Variants in GATAD2B observed in about 807,000 individuals in gnomAD.
GATAD2B encodes GATA zinc finger domain containing 2B.
A neutral mutation model predicts 64.3 loss-of-function variants in GATAD2B; 8 were observed. The observed-to-expected ratio is 0.12, with a 90% CI of 0.07 to 0.22. The LOEUF (loss-of-function observed/expected upper bound fraction) is 0.22. Ranked by LOEUF, GATAD2B falls within the 10% of genes least tolerant of loss-of-function variation. The probability of loss-of-function intolerance (pLI) is 1.00; values close to 1 mark genes in which losing one functional copy is unlikely to be tolerated. For missense variants in GATAD2B, 453 were observed against 752.0 expected (o/e 0.60, Z 4.65); for synonymous variants, 281 against 271.3 (o/e 1.04, Z -0.35).
At position 153,824,472 on chromosome 1, in the gene GATAD2B, C is replaced by G. The variant is rs536903521; in HGVS notation, c.335+3541G>C. The stretch of plus-strand genomic sequence containing the variant: ...CGAAACCCCATCTCTACTAAAAATA[C>G]AAAAATTAGCCAGCATGTAGTCCCA... On this transcript the variant is annotated intron_variant, in intron 2 of 10. Coordinates refer to ENST00000368655, the MANE Select transcript of GATAD2B (RefSeq NM_020699.4). 7.2e-5 allele frequency among the ~76,000 whole-genome samples: 11 copies of G among 151,776 alleles called. No individual in the cohort carries two copies. In the East Asian group the frequency reaches 1.9e-3, roughly 27 times the overall value.
At chr1:153,911,098 T>C (rs890554616) in intron 1 of GATAD2B, among the ~76,000 whole-genome samples, 5 of 152,278 alleles carry the variant, frequency 3.3e-5, no homozygotes, top group Non-Finnish European at 4.4e-5. Context: ...ACACAGATGT[T>C]CCAGGGAATA....
chr1:153,917,814 G>T (rs1678317982), intron 1 of GATAD2B, among the ~76,000 whole-genome samples: 1 of 152,074 alleles, frequency 6.6e-6, no homozygotes, highest in South Asian at 2.1e-4. Context: ...GGCAATAAAT[G>T]TAACAAATAA....
rs1675930118 is a variant in GATAD2B at position 153,852,379 on chromosome 1, T to C, written c.-1-24031A>G. 30 of 830,216 alleles carry C rather than the reference T, an allele frequency of 3.6e-5. No homozygotes were observed. The South Asian group carries it at 3.9e-4, about 11-fold the overall frequency. The allele number at this position is 830,216 out of a possible 1,614,324, so 51.4% of individuals were successfully genotyped here. A position where few individuals can be genotyped will look rare whatever the true frequency, so the allele number is the denominator to read the frequency against. On this transcript the variant is annotated intron_variant, in intron 1 of 10. Coordinates refer to ENST00000368655, the MANE Select transcript of GATAD2B (RefSeq NM_020699.4). ...GTCGCCTGCCATCACCCTCATATGC[T>C]TGGCCTGACCTTGGATGTTCTGTGG...
chr1:153,830,073 G>A (rs1557790382), intron 1 of GATAD2B, among the ~76,000 whole-genome samples: 1 of 152,182 alleles, frequency 6.6e-6, no homozygotes, highest in Non-Finnish European at 1.5e-5. Flanking sequence ...TCCAGCCTGG[G>A]TGACAGAGTG....
At chr1:153,905,040 CACTATATG>C (rs1677884783) in intron 1 of GATAD2B, among the ~76,000 whole-genome samples, 1 of 151,540 alleles carries the variant, frequency 6.6e-6, no homozygotes, top group Admixed American at 6.6e-5. Context: ...GACGGGGTTT[CACTATATG>C]TTGGCCAGGC....
In GATAD2B at chr1:153,828,347, T is replaced by TC; in HGVS notation, c.-1dup. On this transcript the variant is annotated splice_region_variant and 5_prime_UTR_variant, in exon 2 of 11. Coordinates refer to ENST00000368655, the MANE Select transcript of GATAD2B (RefSeq NM_020699.4). ...AGAGCATCTTCTGTCATTCTATCCA[T>TC]CCTATGGAAAGAAAAATACAAGTAA... The TC allele has an allele frequency of 1.2e-6, 2 of 1,604,314 alleles. No homozygotes were observed. The highest frequency in any genetic ancestry group is 1.7e-6 in the Non-Finnish European group (2 of 1,177,998).
At chr1:153,862,154 GCT>G (rs1676321512) in intron 1 of GATAD2B, among the ~76,000 whole-genome samples, 1 of 97,552 alleles carries the variant, frequency 1.0e-5, no homozygotes, top group Admixed American at 1.6e-4. Flanking sequence ...ACTGAGTCTT[GCT>G]CTGTCACCCA....
chr1:153,908,400 A>C (rs1166312901), intron 1 of GATAD2B, among the ~76,000 whole-genome samples: 3 of 152,350 alleles, frequency 2.0e-5, no homozygotes, highest in East Asian at 1.9e-4. Context: ...TCAGGCACAG[A>C]GAAGTTAAGT....
At chr1:153,836,033 T>G (rs1021088801) in intron 1 of GATAD2B, among the ~76,000 whole-genome samples, 2 of 151,572 alleles carry the variant, frequency 1.3e-5, no homozygotes, top group Non-Finnish European at 2.9e-5. Flanking sequence ...TAAACATAAC[T>G]TTTATATACA....
chr1:153,880,012 A>G (rs1295054725), intron 1 of GATAD2B, among the ~76,000 whole-genome samples: 1 of 152,162 alleles, frequency 6.6e-6, no homozygotes, highest in Non-Finnish European at 1.5e-5. Context: ...CATTTTGATA[A>G]TATCATACTA....
At chr1:153,907,686 T>C (rs905551117) in intron 1 of GATAD2B, among the ~76,000 whole-genome samples, 1 of 151,760 alleles carries the variant, frequency 6.6e-6, no homozygotes. Flanking sequence ...TCACCCAGGT[T>C]GGGATGCAGT....
In GATAD2B at chr1:153,828,443, C is replaced by A. The variant is rs937447191; in HGVS notation, c.-1-95G>T. 5.9e-4 allele frequency: 434 copies of A among 741,120 alleles called. 4 individuals carry two copies. The highest frequency in any genetic ancestry group is 2.5e-4 in the Admixed American group (9 of 36,164). The allele number at this position is 741,120 out of a possible 1,614,324, so 45.9% of individuals were successfully genotyped here. Reference sequence around the variant, plus strand: ...ATGGTGAAGTTATTAACAAGAATCTCTCTCTCACACATACACACACACACA... The same window carrying A: ...ATGGTGAAGTTATTAACAAGAATCTATCTCTCACACATACACACACACACA... On this transcript the variant is annotated intron_variant, in intron 1 of 10. Coordinates refer to ENST00000368655, the MANE Select transcript of GATAD2B (RefSeq NM_020699.4).
chr1:153,813,513 T>A, intron 7 of GATAD2B, 61 bp from the exon 8 acceptor site: 1 of 1,099,544 alleles, frequency 9.1e-7, no homozygotes. Flanking sequence ...TTTCTCTTAA[T>A]CAAATAGATC....
chr1:153,921,097 C>T (rs1009978433), intron 1 of GATAD2B, among the ~76,000 whole-genome samples: 1 of 152,136 alleles, frequency 6.6e-6, no homozygotes, highest in African/African-American at 2.4e-5. Flanking sequence ...TACTCTAGGA[C>T]AATACTTGAA....
chr1:153,902,707 C>T (rs1320924782), intron 1 of GATAD2B, among the ~76,000 whole-genome samples: 3 of 152,152 alleles, frequency 2.0e-5, no homozygotes, highest in Non-Finnish European at 4.4e-5. Context: ...CCTCCCACCT[C>T]AGCCTCCCAA....
At chr1:153,913,864 G>A (rs555639479) in intron 1 of GATAD2B, among the ~76,000 whole-genome samples, 1 of 150,840 alleles carries the variant, frequency 6.6e-6, no homozygotes, top group South Asian at 2.1e-4. Flanking sequence ...AGCTTGCAGT[G>A]AGCCGAGATC....
At chr1:153,883,230 A>G (rs1421234800) in intron 1 of GATAD2B, among the ~76,000 whole-genome samples, 1 of 152,210 alleles carries the variant, frequency 6.6e-6, no homozygotes, top group African/African-American at 2.4e-5. Flanking sequence ...CTACGCAAAA[A>G]TATTATTTCT....
At chr1:153,848,725 G>A (rs185274958) in intron 1 of GATAD2B, among the ~76,000 whole-genome samples, 6 of 152,186 alleles carry the variant, frequency 3.9e-5, no homozygotes, top group East Asian at 1.9e-4. Flanking sequence ...AGGCCGAGGC[G>A]GGTGGATCAT....
intron 5 of GATAD2B, 73 bp from the exon 6 acceptor site, chr1:153,817,615 G>A: frequency 9.5e-7 from 1 of 1,047,964 alleles, no homozygotes; most frequent in Non-Finnish European, 1.3e-6. Context: ...AAATGCAAAA[G>A]GGAAAACACT....
Sources: allele counts gnomAD v4.1 joint callset (sites outside exome capture counted in the v4.1 genomes callset), GRCh38; gene constraint gnomAD v4.1.1; transcripts MANE v1.5; gene names NCBI Gene and HGNC (gene_info 2026-07-23, HGNC 2026-07-21).